PLCE1: variants seen among roughly 807,000 people sequenced by gnomAD.
The protein encoded by PLCE1 is phospholipase C epsilon 1.
PLCE1 carries 119 observed loss-of-function variants against 242.8 expected under a neutral mutation model. The observed-to-expected ratio is 0.49, with a 90% CI of 0.42 to 0.57. The LOEUF (loss-of-function observed/expected upper bound fraction) is 0.57, where lower values mean the gene tolerates loss of function less well. Ranked by LOEUF, PLCE1 falls within the 20% of genes least tolerant of loss-of-function variation. PLCE1 has a pLI of 0.00. For missense variants in PLCE1, 2,441 were observed against 2,788.8 expected, an observed-to-expected ratio of 0.88 and a Z score of 2.81; for synonymous variants, 945 against 1,017.4, an observed-to-expected ratio of 0.93 and a Z score of 1.35.
chr10:94,262,708 T>A lies in PLCE1; in HGVS notation c.4029T>A (p.Tyr1343Ter), dbSNP rs763537813. The A allele has an allele frequency of 1.9e-6, 3 of 1,613,276 alleles. No homozygotes were observed. Among genetic ancestry groups the A allele is most frequent in the Non-Finnish European group, 2.5e-6 (3 of 1,179,320 alleles). ...ATTGCCAAGGAGAACACTGCACTTATGATGAAATCCTCAGCATCATCCAGG... is the reference window on the plus strand; with the variant it reads ...ATTGCCAAGGAGAACACTGCACTTAAGATGAAATCCTCAGCATCATCCAGG... The part of the protein sequence containing the change: ...LVNCQGEHCT[Y>*]DEILSIIQKF... The change falls in exon 14 of 33, where the codon TAT (tyrosine) becomes TAA (stop). Residue 1343 changes from tyrosine (Y) to a stop codon, truncating the protein, a stop_gained. Transcript: ENST00000371380. LOFTEE classifies it high-confidence loss of function.
intron 1 of PLCE1, among the ~76,000 whole-genome samples, chr10:94,020,585 A>G (rs572757395): frequency 9.2e-5 from 14 of 152,148 alleles, no homozygotes; most frequent in Admixed American, 7.2e-4. Flanking sequence ...TTCTTTTAGA[A>G]GTTTATAATT....
At position 94,284,929 on chromosome 10, in the gene PLCE1, G is replaced by A. The variant is rs1234317631; in HGVS notation, c.4999G>A (p.Asp1667Asn). ...CAGACAGATTGCACCAGAGCTTTCTGACCTTGTAATCTATTGTCAAGCAGT... is the reference window on the plus strand; with the variant it reads ...CAGACAGATTGCACCAGAGCTTTCTAACCTTGTAATCTATTGTCAAGCAGT... ...ESRQIAPELS[D>N]LVIYCQAVKF... The change falls in exon 22 of 33, where the codon GAC becomes AAC. Residue 1667 changes from aspartate (D) to asparagine (N), a missense_variant. Asp to Asn is a conservative substitution (Grantham distance 23, BLOSUM62 1). Transcript: ENST00000371380. 2 of 1,609,420 alleles carry A rather than the reference G, an allele frequency of 1.2e-6. No individual in the cohort carries two copies. The highest frequency in any genetic ancestry group is 1.3e-5 in the African/African-American group (1 of 74,808).
In PLCE1 at chr10:94,273,726, C is replaced by T. The variant is rs1355711853; in HGVS notation, c.4665+6C>T. 1 of 1,612,898 alleles carries T rather than the reference C, an allele frequency of 6.2e-7. No individual in the cohort carries two copies. The highest frequency in any genetic ancestry group is 1.1e-5 in the South Asian group (1 of 91,046). ...TGGATATCTTAAAGCAAAAGGTACT[C>T]CCCTCTGTTAAACCAGTTATGAAAA... is the stretch of plus-strand genomic sequence containing the variant. On this transcript the variant is annotated splice_donor_region_variant and intron_variant, in intron 19 of 32. Transcript: ENST00000371380.
rs1441409585 is a variant in PLCE1 at position 94,273,597 on chromosome 10, A to G, written c.4542A>G (p.Leu1514=). ...GAGAAAAGCTGGTGACTAAATTCTT[A>G]TTTGAGACTGATTTCTCAGATGATC... The part of the protein sequence containing the change: ...VFGEKLVTKF[L]FETDFSDDPM... Residue 1514 remains leucine (L), a synonymous_variant, in exon 19 of 33, where the codon TTA becomes TTG. Transcript: ENST00000371380. 1.2e-6 allele frequency: 2 copies of G among 1,613,792 alleles called. No homozygotes were observed. Among genetic ancestry groups the G allele is most frequent in the Non-Finnish European group, 1.7e-6 (2 of 1,179,836 alleles).
intron 7 of PLCE1, among the ~76,000 whole-genome samples, chr10:94,239,296 G>T (rs529953509): frequency 3.9e-5 from 6 of 152,184 alleles, no homozygotes; most frequent in Admixed American, 2.6e-4. Context: ...GAATCACGGG[G>T]GCGGTTTCTC....
Position 94,283,786 on chromosome 10 carries a change from T to G in PLCE1, c.4796-4T>G. On this transcript the variant is annotated splice_region_variant and splice_polypyrimidine_tract_variant and intron_variant, in intron 20 of 32. Coordinates refer to ENST00000371380, the MANE Select transcript of PLCE1 (RefSeq NM_016341.4). ...TTCACTGAAGTCTGCTAACTTATTT[T>G]CAGACAACATTCTGGAAGACAGACC... 1 of 1,610,568 alleles carries G rather than the reference T, an allele frequency of 6.2e-7. No individual in the cohort carries two copies. Among genetic ancestry groups the G allele is most frequent in the South Asian group, 1.1e-5 (1 of 90,760 alleles).
chr10:94,052,687 C>T (rs2043797993), intron 2 of PLCE1, among the ~76,000 whole-genome samples: 2 of 151,888 alleles, frequency 1.3e-5, no homozygotes, highest in South Asian at 2.1e-4. Context: ...TGAGGAAAGT[C>T]CAAAGTGTCT....
At chr10:94,156,124 A>G (rs973030227) in intron 3 of PLCE1, among the ~76,000 whole-genome samples, 1 of 149,330 alleles carries the variant, frequency 6.7e-6, no homozygotes, top group Non-Finnish European at 1.5e-5. Context: ...AACAGAAAAA[A>G]AAACTGTTTT....
intron 1 of PLCE1, among the ~76,000 whole-genome samples, chr10:93,996,916 C>A (rs969078338): frequency 6.6e-6 from 1 of 152,170 alleles, no homozygotes; most frequent in Non-Finnish European, 1.5e-5. Context: ...GAAAATCCTT[C>A]CCTAGAGGAT....
At chr10:94,327,174 G>A (rs1408219913) in intron 32 of PLCE1, among the ~76,000 whole-genome samples, 4 of 152,118 alleles carry the variant, frequency 2.6e-5, no homozygotes, top group Non-Finnish European at 4.4e-5. Flanking sequence ...ACAAAAGCTA[G>A]GGAGGCTTCT....
At chr10:94,310,192 T>C (rs1180474587) in intron 27 of PLCE1, among the ~76,000 whole-genome samples, 1 of 152,202 alleles carries the variant, frequency 6.6e-6, no homozygotes, top group African/African-American at 2.4e-5. Flanking sequence ...CTAACAATCT[T>C]TGGAAAGGCA....
At chr10:94,045,829 G>C (rs753895404) in intron 2 of PLCE1, among the ~76,000 whole-genome samples, 1 of 152,100 alleles carries the variant, frequency 6.6e-6, no homozygotes, top group South Asian at 2.1e-4. Flanking sequence ...GGCCAGGCGC[G>C]GTGGCTCACG....
rs2053961514 is a variant in PLCE1, at chr10:94,325,097, T to C, written c.*17T>C. 1 of 1,610,334 alleles carries C rather than the reference T, an allele frequency of 6.2e-7. No homozygotes were observed. Among genetic ancestry groups the C allele is most frequent in the African/African-American group, 1.3e-5 (1 of 74,836 alleles). On this transcript the variant is annotated 3_prime_UTR_variant, in exon 32 of 33. Transcript: ENST00000371380. The stretch of plus-strand genomic sequence containing the variant: ...CGACAGTGACTAAGGGCAGCATGTT[T>C]AACCCAGGTATAGTAAGTCATTGCA...
At chr10:94,327,538 CAAAAAG>C (rs1279017372) in intron 32 of PLCE1, among the ~76,000 whole-genome samples, 1 of 152,008 alleles carries the variant, frequency 6.6e-6, no homozygotes, top group Non-Finnish European at 1.5e-5. Context: ...GGAGAGAGAG[CAAAAAG>C]AAAGTTAGTT....
intron 22 of PLCE1, among the ~76,000 whole-genome samples, chr10:94,290,263 C>T (rs1238768164): frequency 6.6e-6 from 1 of 151,696 alleles, no homozygotes; most frequent in Non-Finnish European, 1.5e-5. Context: ...GACTGATCTG[C>T]CTTGGCCTCC....
chr10:94,117,031 C>T (rs540590846), intron 2 of PLCE1, among the ~76,000 whole-genome samples: 1 of 152,314 alleles, frequency 6.6e-6, no homozygotes, highest in Non-Finnish European at 1.5e-5. Flanking sequence ...TACTGGATAA[C>T]AGATAAGCAA....
intron 2 of PLCE1, among the ~76,000 whole-genome samples, chr10:94,062,308 T>A (rs929507914): frequency 6.6e-6 from 1 of 151,998 alleles, no homozygotes; most frequent in Non-Finnish European, 1.5e-5. Context: ...GGAGGTGAGA[T>A]CTCATGAAGT....
intron 1 of PLCE1, among the ~76,000 whole-genome samples, chr10:93,997,849 G>T (rs1435695749): frequency 1.3e-5 from 2 of 152,154 alleles, no homozygotes; most frequent in Non-Finnish European, 2.9e-5. Context: ...AGCATTCACT[G>T]TGTAAGAACT....
At chr10:94,159,316 A>T (rs1204177029) in intron 3 of PLCE1, among the ~76,000 whole-genome samples, 1 of 152,236 alleles carries the variant, frequency 6.6e-6, no homozygotes, top group Non-Finnish European at 1.5e-5. Flanking sequence ...CCAATAACAG[A>T]TAATAAGATA....
Sources: gnomAD v4.1 joint callset for allele counts (sites outside exome capture counted in the v4.1 genomes callset) on GRCh38, gnomAD v4.1.1 for gene constraint, MANE v1.5 for transcripts, NCBI Gene and HGNC (gene_info 2026-07-23, HGNC 2026-07-21) for gene names.